The following SENP2 variants were observed in gnomAD, a reference collection of about 807,000 sequenced individuals.
SENP2 encodes the protein sentrin-specific protease 2.
SENP2 carries 16 observed loss-of-function variants against 86.3 expected under a neutral mutation model. The observed-to-expected ratio is 0.19, with a 90% CI of 0.13 to 0.28. The LOEUF (loss-of-function observed/expected upper bound fraction) is 0.28. SENP2 is among the 10% of genes least tolerant of loss of function. The pLI is 1.00. For synonymous variants in SENP2, 222 were observed against 238.7 expected (o/e 0.93, Z 0.64); for missense variants, 552 against 703.0 (o/e 0.79, Z 2.43).
At chr3:185,621,397 T>C (rs924569733) in intron 13 of SENP2, among the ~76,000 whole-genome samples, 2 of 135,592 alleles carry the variant, frequency 1.5e-5, no homozygotes, top group Non-Finnish European at 3.2e-5. Context: ...TTTTTTTTTT[T>C]TTTTTTTTTT....
chr3:185,628,484 A>C (rs564388218), intron 16 of SENP2, among the ~76,000 whole-genome samples: 34 of 151,930 alleles, frequency 2.2e-4, no homozygotes, highest in African/African-American at 8.2e-4. Context: ...ATAATGATAC[A>C]TCAGGAGTGC....
At chr3:185,621,972 A>G (rs1711910735) in intron 14 of SENP2, 67 bp downstream of exon 14, 1 of 1,015,558 alleles carries the variant, frequency 9.8e-7, no homozygotes, top group African/African-American at 1.6e-5. Flanking sequence ...CATCCTAGGA[A>G]GCTGTGTGGA....
intron 6 of SENP2, 177 bp from the exon 7 acceptor site, chr3:185,609,070 T>C (rs1722604031): frequency 1.9e-6 from 1 of 519,052 alleles, no homozygotes; most frequent in Non-Finnish European, 3.4e-6. Flanking sequence ...AGATTGTGGA[T>C]TCAGTTGATC....
intron 5 of SENP2, among the ~76,000 whole-genome samples, chr3:185,605,573 G>A (rs1332531934): frequency 6.6e-6 from 1 of 151,564 alleles, no homozygotes; most frequent in Non-Finnish European, 1.5e-5. Context: ...ACTTTATTCT[G>A]CAACAACTCC....
At chr3:185,595,454 C>T (rs1414038340) in intron 2 of SENP2, among the ~76,000 whole-genome samples, 1 of 152,198 alleles carries the variant, frequency 6.6e-6, no homozygotes, top group Non-Finnish European at 1.5e-5. Flanking sequence ...TAACTATTAG[C>T]AAATTTCTCA....
Position 185,613,375 on chromosome 3 carries a change from G to C in SENP2, c.900G>C (p.Glu300Asp), listed in dbSNP as rs1210342065. 6.3e-7 allele frequency: 1 copy of C among 1,597,740 alleles called. No homozygotes were observed. The highest frequency in any genetic ancestry group is 8.6e-7 in the Non-Finnish European group (1 of 1,166,724). ...CAAAGGGGAAAATTACTGATACAGA[G>C]ACGATGGTCGGAATCAGATTTGAAA... The part of the protein sequence containing the change: ...RCSKGKITDT[E>D]TMVGIRFENE... The change falls in exon 10 of 17, where the codon GAG becomes GAC. Residue 300 changes from glutamate to aspartate, a missense_variant. By Grantham distance (45) the Glu-to-Asp change is conservative. This residue lies in a region of SENP2 where 383 missense variants were observed against 427.3 expected (regional missense o/e 0.90). Transcript: ENST00000296257.
At position 185,588,278 on chromosome 3, in the gene SENP2, C is replaced by T. The variant is rs1560187029; in HGVS notation, c.101+1764C>T. On this transcript the variant is annotated intron_variant, in intron 1 of 16. Transcript: ENST00000296257. ...TTCACCGTGGTCTCGATCTCCTGAC[C>T]TCAGGATCCGCCCGTCTCGGTCTCC... Among the ~76,000 whole-genome samples the T allele has an allele frequency of 2.6e-5, 4 of 151,848 alleles. No individual in the cohort carries two copies. In the South Asian group the frequency reaches 6.3e-4, roughly 24 times the overall value.
chr3:185,616,772 C>G (rs1286956055), intron 11 of SENP2, among the ~76,000 whole-genome samples: 1 of 83,928 alleles, frequency 1.2e-5, no homozygotes, highest in Non-Finnish European at 2.2e-5. Flanking sequence ...GAGACTCCGT[C>G]TCCAAAAAAA....
Position 185,587,808 on chromosome 3 carries a change from C to T in SENP2, c.101+1294C>T, listed in dbSNP as rs554869727. 4.8e-5 allele frequency among the ~76,000 whole-genome samples: 7 copies of T among 146,768 alleles called. No homozygotes were observed. In the South Asian group the frequency reaches 1.5e-3, roughly 32 times the overall value. ...GAAGTGCGGTGGCACGATCTCAGCT[C>T]ACTGCAACCTCTGCCCACTGGGTTC... is the stretch of plus-strand genomic sequence containing the variant. On this transcript the variant is annotated intron_variant, in intron 1 of 16. Coordinates refer to ENST00000296257, the MANE Select transcript of SENP2 (RefSeq NM_021627.3).
At chr3:185,616,136 C>G (rs1051867987) in intron 11 of SENP2, among the ~76,000 whole-genome samples, 2 of 145,238 alleles carry the variant, frequency 1.4e-5, no homozygotes, top group African/African-American at 5.0e-5. Flanking sequence ...GCTGGGATTA[C>G]AGGCGTGAGC....
chr3:185,604,392 G>A (rs542052186), intron 5 of SENP2, among the ~76,000 whole-genome samples: 2 of 152,298 alleles, frequency 1.3e-5, no homozygotes, highest in Non-Finnish European at 2.9e-5. Flanking sequence ...TGAAAAGAAT[G>A]CATATTCTGC....
intron 15 of SENP2, among the ~76,000 whole-genome samples, chr3:185,625,671 C>T (rs1391633624): frequency 6.6e-6 from 1 of 152,160 alleles, no homozygotes; most frequent in Non-Finnish European, 1.5e-5. Context: ...ACTGATCCAT[C>T]AAGGCAAGAT....
At chr3:185,599,604 A>G (rs1577722697) in intron 4 of SENP2, among the ~76,000 whole-genome samples, 1 of 152,176 alleles carries the variant, frequency 6.6e-6, no homozygotes, top group South Asian at 2.1e-4. Context: ...TTGGGGGGGA[A>G]GGAAGTTAAG....
intron 16 of SENP2, among the ~76,000 whole-genome samples, chr3:185,627,638 C>T (rs1345786679): frequency 6.6e-6 from 1 of 152,108 alleles, no homozygotes; most frequent in Non-Finnish European, 1.5e-5. Flanking sequence ...GTCTCGAACT[C>T]CTGACCTCGT....
Position 185,627,647 on chromosome 3 carries a change from G to A in SENP2, c.1707+1254G>A, listed in dbSNP as rs576357793. ...AGGCTGGTCTCGAACTCCTGACCTC[G>A]TGATCCACCTGCCTCAGCCTCCCAA... On this transcript the variant is annotated intron_variant, in intron 16 of 16. Transcript: ENST00000296257. 2.6e-5 allele frequency among the ~76,000 whole-genome samples: 4 copies of A among 152,110 alleles called. No individual in the cohort carries two copies. The South Asian group carries it at 8.3e-4, about 32-fold the overall frequency.
intron 13 of SENP2, among the ~76,000 whole-genome samples, chr3:185,621,517 G>C (rs1223805135): frequency 2.7e-5 from 4 of 149,974 alleles, no homozygotes; most frequent in Non-Finnish European, 5.9e-5. Flanking sequence ...AGCCTCCTGA[G>C]CAGCTAGGAT....
chr3:185,601,041 C>CTTTTTT (rs11315344), intron 5 of SENP2, among the ~76,000 whole-genome samples, 186 bp downstream of exon 5: 2 of 75,530 alleles, frequency 2.6e-5, no homozygotes, highest in Admixed American at 1.4e-4. Context: ...CTTTTCTTGT[C>CTTTTTT]TTTTTTTTTT....
At chr3:185,624,226 A>G in intron 15 of SENP2, 144 bp downstream of exon 15, 1 of 578,110 alleles carries the variant, frequency 1.7e-6, no homozygotes, top group Non-Finnish European at 3.0e-6. Flanking sequence ...TCTTTTTTGT[A>G]GAGATGGGAT....
chr3:185,592,007 ATTTCTTTT>A lies in SENP2; in HGVS notation c.157+1842_157+1849del, dbSNP rs1403251715. ...ACTCCTGTCTTTAAGAACCGGTAAT[ATTTCTTTT>A]TTTTTTTTTTTTTTTTTTTGAGACA... On this transcript the variant is annotated intron_variant, in intron 2 of 16. Transcript: ENST00000296257. Among the ~76,000 whole-genome samples, 10 of 35,116 alleles carry A rather than the reference ATTTCTTTT, an allele frequency of 2.8e-4. No homozygotes were observed. In the East Asian group the frequency reaches 3.3e-3, roughly 12 times the overall value. The allele number at this position is 35,116 out of a possible 152,430, so 23.0% of individuals were successfully genotyped here. A position where few individuals can be genotyped will look rare whatever the true frequency, so the allele number is the denominator to read the frequency against.
Sources: allele counts gnomAD v4.1 joint callset (sites outside exome capture counted in the v4.1 genomes callset), GRCh38; gene constraint gnomAD v4.1.1; regional missense constraint gnomAD v4.1.1; transcripts MANE v1.5; gene names NCBI Gene and HGNC (gene_info 2026-07-23, HGNC 2026-07-21).